CASK: variants seen among roughly 807,000 people sequenced by gnomAD.
CASK encodes peripheral plasma membrane protein CASK.
In CASK, 4 loss-of-function variants were observed where a neutral mutation model predicts 82.9. The ratio of observed to expected loss-of-function variants is 0.05; its 90% CI spans 0.02 to 0.11. The LOEUF (loss-of-function observed/expected upper bound fraction) is 0.11. Among genes scored for constraint, CASK ranks in the 10% least tolerant of loss-of-function variants. The pLI is 1.00. For synonymous variants in CASK, 259 were observed against 253.5 expected (o/e 1.02, Z -0.20); for missense variants, 358 against 720.9 (o/e 0.50, Z 5.76).
chrX:41,829,734 T>TATACATATATATATATATATATATAC (rs1556208238), intron 2 of CASK, among the ~76,000 whole-genome samples: 1 of 29,675 alleles, frequency 3.4e-5, no homozygotes, highest in Non-Finnish European at 6.4e-5. Context: ...TATATATATA[T>TATACATATATATATATATATATATAC]ATATATATAT....
intron 3 of CASK, among the ~76,000 whole-genome samples, chrX:41,759,410 C>T (rs1169932417): frequency 8.9e-6 from 1 of 112,123 alleles, no homozygotes; most frequent in South Asian, 3.7e-4. Flanking sequence ...TTCTTTCCCC[C>T]TGTCCTGTAT....
At chrX:41,589,300 A>G (rs1036176752) in intron 13 of CASK, among the ~76,000 whole-genome samples, 1 of 112,502 alleles carries the variant, frequency 8.9e-6, no homozygotes, top group Non-Finnish European at 1.9e-5. Context: ...TCAAGTTTAC[A>G]TCGCAGAACC....
At chrX:41,652,412 G>A (rs2066877995) in intron 8 of CASK, among the ~76,000 whole-genome samples, 1 of 112,126 alleles carries the variant, frequency 8.9e-6, no homozygotes, top group Non-Finnish European at 1.9e-5. Flanking sequence ...TATATATTTG[G>A]TCTACAGCTC....
intron 22 of CASK, among the ~76,000 whole-genome samples, chrX:41,538,543 T>C (rs929393095): frequency 1.8e-5 from 2 of 111,842 alleles, no homozygotes; most frequent in African/African-American, 6.5e-5. Flanking sequence ...AAACCTTCTG[T>C]ATGTTACAGA....
At chrX:41,893,669 T>A (rs1246566825) in intron 1 of CASK, among the ~76,000 whole-genome samples, 1 of 112,463 alleles carries the variant, frequency 8.9e-6, no homozygotes, top group Non-Finnish European at 1.9e-5. Flanking sequence ...AGAGATTCCT[T>A]CAGCAAAAGA....
At chrX:41,557,277 C>A (rs753090358) in intron 18 of CASK, among the ~76,000 whole-genome samples, 177 bp from the exon 19 acceptor site, 1 of 111,631 alleles carries the variant, frequency 9.0e-6, no homozygotes, top group African/African-American at 3.3e-5. Context: ...TTTTGCAGTT[C>A]GAAGGCTCAC....
chrX:41,521,382 GA>G (rs915335615), intron 26 of CASK, among the ~76,000 whole-genome samples: 1 of 111,750 alleles, frequency 8.9e-6, no homozygotes, highest in African/African-American at 3.3e-5. Flanking sequence ...TATCTCTTAT[GA>G]AAAAAACAGA....
intron 11 of CASK, among the ~76,000 whole-genome samples, chrX:41,621,443 C>A (rs1367999133): frequency 1.8e-5 from 2 of 112,241 alleles, no homozygotes; most frequent in East Asian, 5.6e-4. Context: ...AGCTGCCATG[C>A]TGTGAACAGC....
At chrX:41,819,878 C>A (rs2070495596) in intron 2 of CASK, among the ~76,000 whole-genome samples, 1 of 111,600 alleles carries the variant, frequency 9.0e-6, no homozygotes, top group African/African-American at 3.2e-5. Flanking sequence ...CAACACTTAT[C>A]CATAATAAAA....
intron 2 of CASK, among the ~76,000 whole-genome samples, chrX:41,805,418 ACATGTTCCTT>A (rs1170784557): frequency 6.1e-4 from 68 of 112,062 alleles, no homozygotes; most frequent in African/African-American, 1.8e-3. Context: ...AACTTCTTGA[ACATGTTCCTT>A]CACCGCTTTT....
At chrX:41,813,482 G>T (rs1219891131) in intron 2 of CASK, among the ~76,000 whole-genome samples, 1 of 111,270 alleles carries the variant, frequency 9.0e-6, no homozygotes, top group Admixed American at 9.5e-5. Flanking sequence ...ACAAAAACAA[G>T]AAATAGGGAA....
chrX:41,838,014 A>AT (rs35567643), intron 2 of CASK, among the ~76,000 whole-genome samples: 21,331 of 110,960 alleles, frequency 0.19, 1,636 homozygotes, highest in Middle Eastern at 0.3. Context: ...TGGTATTGTC[A>AT]TATTGTTACT....
chrX:41,684,659 A>G (rs778472043), intron 5 of CASK, among the ~76,000 whole-genome samples: 11 of 110,538 alleles, frequency 1.0e-4, no homozygotes, highest in Non-Finnish European at 1.9e-4. Context: ...ACCATGCCTG[A>G]CTAATTTTTT....
At chrX:41,773,855 C>A (rs1165025707) in intron 3 of CASK, among the ~76,000 whole-genome samples, 3 of 111,539 alleles carry the variant, frequency 2.7e-5, no homozygotes, top group African/African-American at 9.8e-5. Flanking sequence ...ATGGAACTTG[C>A]TCTGGGTGAG....
At chrX:41,528,551 T>C (rs1255909011) in intron 25 of CASK, among the ~76,000 whole-genome samples, 2 of 112,555 alleles carry the variant, frequency 1.8e-5, no homozygotes, top group Non-Finnish European at 3.8e-5. Flanking sequence ...CCTTCTGTTA[T>C]GGACAGTTTT....
In CASK at chrX:41,922,993, C is replaced by T. The variant is rs1224986835; in HGVS notation, c.-5G>A. 1 of 1,207,625 alleles carries T rather than the reference C, an allele frequency of 8.3e-7. No homozygotes were observed. The highest frequency in any genetic ancestry group is 1.1e-6 in the Non-Finnish European group (1 of 893,401). On this transcript the variant is annotated 5_prime_UTR_variant, in exon 1 of 27. Coordinates refer to ENST00000378163, the MANE Select transcript of CASK (RefSeq NM_001367721.1). Reference sequence around the variant, plus strand: ...CAGCACGTCGTCGTCGGCCATGGTCCGGAGGGGATAGCGGCCGCAGCGTGG... The same window carrying T: ...CAGCACGTCGTCGTCGGCCATGGTCTGGAGGGGATAGCGGCCGCAGCGTGG...
rs549493694 is a variant in CASK, at chrX:41,739,504, A to T, written c.357-48T>A. 8 of 809,298 alleles carry T rather than the reference A, an allele frequency of 9.9e-6. No homozygotes were observed. In the East Asian group the frequency reaches 1.6e-4, roughly 16 times the overall value. The allele number at this position is 809,298 out of a possible 1,213,427, so 66.7% of individuals were successfully genotyped here. ...AAAAACTGTAAACAATTTTTATTTT[A>T]AAACTTAATATACAGTGCTCCTAGT... On this transcript the variant is annotated intron_variant, in intron 4 of 26. Transcript: ENST00000378163.
At position 41,516,687 on chromosome X, in the gene CASK, G is replaced by A. The variant is rs937694425; in HGVS notation, c.*3733C>T. On this transcript the variant is annotated 3_prime_UTR_variant, in exon 27 of 27. Coordinates refer to ENST00000378163, the MANE Select transcript of CASK (RefSeq NM_001367721.1). ...TTTGATAATAGGAAGCAAGAAGGAG[G>A]AGGGATGAGGATGACAAGGAGCTTG... is the stretch of plus-strand genomic sequence containing the variant. 11 of 111,411 alleles carry A rather than the reference G, an allele frequency of 9.9e-5. No homozygotes were observed. Among genetic ancestry groups the A allele is most frequent in the African/African-American group, 3.6e-4 (11 of 30,619 alleles). 9.2% of individuals were successfully genotyped at this position (111,411 alleles called of 1,213,427 possible).
chrX:41,544,211 ATTAGTT>A (rs2064987374), intron 21 of CASK, among the ~76,000 whole-genome samples: 2 of 112,186 alleles, frequency 1.8e-5, no homozygotes, highest in Admixed American at 1.9e-4. Flanking sequence ...AACACAACTT[ATTAGTT>A]TTAATTTAGT....
Sources: gnomAD v4.1 joint callset for allele counts (sites outside exome capture counted in the v4.1 genomes callset) on GRCh38, gnomAD v4.1.1 for gene constraint, MANE v1.5 for transcripts, NCBI Gene and HGNC (gene_info 2026-07-23, HGNC 2026-07-21) for gene names.